The following PPIF variants were observed in gnomAD, a reference collection of about 807,000 sequenced individuals.
PPIF encodes peptidylprolyl isomerase F.
In PPIF, 23 loss-of-function variants were observed where a neutral mutation model predicts 20.2. The ratio of observed to expected loss-of-function variants is 1.14; its 90% CI spans 0.82 to 1.61. The LOEUF (loss-of-function observed/expected upper bound fraction) is 1.61. PPIF is among the 40% of genes most tolerant of loss of function. The pLI, the probability that PPIF is intolerant of heterozygous loss-of-function variation, is 0.00. For synonymous variants in PPIF, 113 were observed against 123.1 expected (o/e 0.92, Z 0.54); for missense variants, 287 against 291.6 (o/e 0.98, Z 0.11).
chr10:79,355,171 C>G lies in PPIF; in HGVS notation c.*1329C>G, dbSNP rs1463337896. 2.0e-5 allele frequency: 3 copies of G among 152,090 alleles called. No homozygotes were observed. Among genetic ancestry groups the G allele is most frequent in the African/African-American group, 7.2e-5 (3 of 41,400 alleles). 9.4% of individuals were successfully genotyped at this position (152,090 alleles called of 1,614,324 possible). On this transcript the variant is annotated 3_prime_UTR_variant, in exon 6 of 6. Transcript: ENST00000225174. Reference sequence around the variant, plus strand: ...AATTGTGTGGCACCTCCCCCTGCCCCCTTCTTGCTCCTGCTTTCACCATGT... The same window carrying G: ...AATTGTGTGGCACCTCCCCCTGCCCGCTTCTTGCTCCTGCTTTCACCATGT...
chr10:79,349,456 C>T (rs1208654336), intron 2 of PPIF, among the ~76,000 whole-genome samples: 2 of 152,262 alleles, frequency 1.3e-5, no homozygotes, highest in Non-Finnish European at 2.9e-5. Flanking sequence ...AGCCTGTACT[C>T]TTGTCACAGT....
Position 79,347,661 on chromosome 10 carries a change from C to A in PPIF, c.113C>A (p.Ser38Tyr). 1.4e-6 allele frequency: 2 copies of A among 1,472,054 alleles called. No individual in the cohort carries two copies. The highest frequency in any genetic ancestry group is 1.8e-6 in the Non-Finnish European group (2 of 1,108,098). The allele number at this position is 1,472,054 out of a possible 1,614,324, so 91.2% of individuals were successfully genotyped here. A position where few individuals can be genotyped will look rare whatever the true frequency, so the allele number is the denominator to read the frequency against. ...TGCAGCAAGGGCTCCGGCGACCCGT[C>A]CTCTTCCTCCTCCTCCGGGAACCCG... is the stretch of plus-strand genomic sequence containing the variant. ...RACSKGSGDP[S>Y]SSSSSGNPLV... The change falls in exon 1 of 6, where the codon TCC becomes TAC. Residue 38 changes from serine (S) to tyrosine (Y), a missense_variant. Transcript: ENST00000225174.
chr10:79,349,605 G>A lies in PPIF; in HGVS notation c.227-60G>A, dbSNP rs535088182. On this transcript the variant is annotated intron_variant, in intron 2 of 5. Transcript: ENST00000225174. ...ATGTAGCAGGGATTTTGGCTGGAAC[G>A]GGTATGACCCTGGAATTGGGGCCTG... 1.1e-4 allele frequency: 176 copies of A among 1,606,302 alleles called. 1 individual carries two copies. In the South Asian group the frequency reaches 1.4e-3, roughly 13 times the overall value.
At position 79,348,151 on chromosome 10, in the gene PPIF, A is replaced by G. The variant is rs930537108; in HGVS notation, c.195+408A>G. ...GTGCTCACGTGGCGGCCCTTGCACA[A>G]CACGGAGCGCTTCCTGGCTCCGGCC... On this transcript the variant is annotated intron_variant, in intron 1 of 5. Transcript: ENST00000225174. 1.3e-4 allele frequency among the ~76,000 whole-genome samples: 20 copies of G among 150,854 alleles called. 1 individual carries two copies. Among genetic ancestry groups the G allele is most frequent in the African/African-American group, 4.6e-4 (19 of 41,008 alleles).
rs1855984291 is a variant in PPIF at position 79,351,598 on chromosome 10, C to T, written c.412+15C>T. Reference sequence around the variant, plus strand: ...CGTGGGGCCAGGTGAGTGGGGGCCTCCTCTAGGGTGAGTGTCCCCACAGCT... The same window carrying T: ...CGTGGGGCCAGGTGAGTGGGGGCCTTCTCTAGGGTGAGTGTCCCCACAGCT... On this transcript the variant is annotated intron_variant, in intron 4 of 5. Coordinates refer to ENST00000225174, the MANE Select transcript of PPIF (RefSeq NM_005729.4). 2 of 1,609,332 alleles carry T rather than the reference C, an allele frequency of 1.2e-6. No homozygotes were observed. Among genetic ancestry groups the T allele is most frequent in the African/African-American group, 1.3e-5 (1 of 74,796 alleles).
intron 5 of PPIF, among the ~76,000 whole-genome samples, chr10:79,353,253 CATT>C (rs1856005320): frequency 6.6e-6 from 1 of 152,258 alleles, no homozygotes; most frequent in African/African-American, 2.4e-5. Context: ...CCGCCTTTTA[CATT>C]ATTGGACTCT....
At chr10:79,353,210 G>T (rs1310052896) in intron 5 of PPIF, among the ~76,000 whole-genome samples, 1 of 152,228 alleles carries the variant, frequency 6.6e-6, no homozygotes, top group Non-Finnish European at 1.5e-5. Context: ...CTCTTGGCTG[G>T]AACCACGCCA....
chr10:79,348,823 C>G (rs965917856), intron 1 of PPIF, among the ~76,000 whole-genome samples: 1 of 152,166 alleles, frequency 6.6e-6, no homozygotes, highest in African/African-American at 2.4e-5. Flanking sequence ...AGAAGTAGGC[C>G]AAGATAGCAT....
At position 79,349,765 on chromosome 10, in the gene PPIF, TC is replaced by T; in HGVS notation, c.315+14del. ...CCTTCATGTGCCAGGTAATGTAGTT[TC>T]CTCTTCTGTAAGGGGGGATGAGAGC... On this transcript the variant is annotated intron_variant, in intron 3 of 5. Transcript: ENST00000225174. 1 of 1,613,836 alleles carries T rather than the reference TC, an allele frequency of 6.2e-7. No individual in the cohort carries two copies. Among genetic ancestry groups the T allele is most frequent in the Non-Finnish European group, 8.5e-7 (1 of 1,179,996 alleles).
intron 2 of PPIF, among the ~76,000 whole-genome samples, 200 bp from the exon 3 acceptor site, chr10:79,349,464 AG>A (rs1032430577): frequency 2.6e-5 from 4 of 152,214 alleles, no homozygotes; most frequent in Non-Finnish European, 5.9e-5. Context: ...CTCTTGTCAC[AG>A]TGCTCAGGTA....
chr10:79,347,480 T>G lies in PPIF; in HGVS notation c.-69T>G. The G allele has an allele frequency of 8.0e-7, 1 of 1,251,610 alleles. No individual in the cohort carries two copies. The highest frequency in any genetic ancestry group is 1.0e-6 in the Non-Finnish European group (1 of 998,730). The allele number at this position is 1,251,610 out of a possible 1,614,324, so 77.5% of individuals were successfully genotyped here. A position where few individuals can be genotyped will look rare whatever the true frequency, so the allele number is the denominator to read the frequency against. ...CGCGGCTGCGCGGGACTCGGCCTTCTGGGCGCGCGCGACGTCAGTTTGAGT... is the reference window on the plus strand; with the variant it reads ...CGCGGCTGCGCGGGACTCGGCCTTCGGGGCGCGCGCGACGTCAGTTTGAGT... On this transcript the variant is annotated 5_prime_UTR_variant, in exon 1 of 6. Transcript: ENST00000225174.
intron 4 of PPIF, 91 bp downstream of exon 4, chr10:79,351,674 C>T: frequency 8.5e-7 from 1 of 1,178,622 alleles, no homozygotes; most frequent in Non-Finnish European, 1.2e-6. Flanking sequence ...CATGCAGTCA[C>T]CGTCCAGTAT....
chr10:79,354,642 G>A lies in PPIF; in HGVS notation c.*800G>A, dbSNP rs74142395. 9,564 of 152,834 alleles carry A rather than the reference G, an allele frequency of 0.063. 846 individuals carry two copies. Among genetic ancestry groups the A allele is most frequent in the African/African-American group, 0.2 (8,252 of 41,504 alleles). The allele number at this position is 152,834 out of a possible 1,614,324, so 9.5% of individuals were successfully genotyped here. On this transcript the variant is annotated 3_prime_UTR_variant, in exon 6 of 6. Coordinates refer to ENST00000225174, the MANE Select transcript of PPIF (RefSeq NM_005729.4). Reference sequence around the variant, plus strand: ...AAGAAATTCAATCTACTCATGATGTGTTATGCATAAAACATTTCTGGAACA... The same window carrying A: ...AAGAAATTCAATCTACTCATGATGTATTATGCATAAAACATTTCTGGAACA...
At chr10:79,352,273 G>T in intron 4 of PPIF, 44 bp from the exon 5 acceptor site, 6 of 1,569,676 alleles carry the variant, frequency 3.8e-6, no homozygotes, top group Non-Finnish European at 5.3e-6. Context: ...TCCCAGGCAG[G>T]TGCCTCCAGG....
At chr10:79,349,196 G>C in intron 2 of PPIF, 90 bp downstream of exon 2, 1 of 1,610,288 alleles carries the variant, frequency 6.2e-7, no homozygotes, top group Non-Finnish European at 8.5e-7. Flanking sequence ...AAGAGTCGGG[G>C]CTCAGAGACC....
chr10:79,351,888 T>C lies in PPIF; in HGVS notation c.412+305T>C, dbSNP rs552775751. On this transcript the variant is annotated intron_variant, in intron 4 of 5. Transcript: ENST00000225174. Reference sequence around the variant, plus strand: ...TTTCGGGTTGGAAATTCTAGGACACTTAGAATTGTTGCAGAATGGTCCTTA... The same window carrying C: ...TTTCGGGTTGGAAATTCTAGGACACCTAGAATTGTTGCAGAATGGTCCTTA... 2.0e-4 allele frequency among the ~76,000 whole-genome samples: 31 copies of C among 152,344 alleles called. No homozygotes were observed. The East Asian group carries it at 2.3e-3, about 11-fold the overall frequency.
At chr10:79,350,251 C>T (rs1855963698) in intron 3 of PPIF, among the ~76,000 whole-genome samples, 1 of 152,062 alleles carries the variant, frequency 6.6e-6, no homozygotes, top group Non-Finnish European at 1.5e-5. Flanking sequence ...GTTTTTCGGT[C>T]ATGTGTCATG....
Position 79,347,689 on chromosome 10 carries a change from C to G in PPIF, c.141C>G (p.Leu47=). ...CTTCCTCCTCCTCCGGGAACCCGCT[C>G]GTGTACCTGGACGTGGACGCCAACG... ...PSSSSSSGNP[L]VYLDVDANGK... is the part of the protein sequence containing the mutation. The change falls in exon 1 of 6, where the codon CTC becomes CTG. Residue 47 remains leucine, a synonymous_variant. Transcript: ENST00000225174. The G allele has an allele frequency of 1.3e-6, 2 of 1,483,606 alleles. No individual in the cohort carries two copies. The highest frequency in any genetic ancestry group is 1.8e-6 in the Non-Finnish European group (2 of 1,113,552). 91.9% of individuals were successfully genotyped at this position (1,483,606 alleles called of 1,614,324 possible).
At chr10:79,348,666 C>T (rs1461107328) in intron 1 of PPIF, among the ~76,000 whole-genome samples, 1 of 152,148 alleles carries the variant, frequency 6.6e-6, no homozygotes, top group Non-Finnish European at 1.5e-5. Flanking sequence ...AGCCTTCCCT[C>T]CCCACACCCT....
Sources: gnomAD v4.1 joint callset for allele counts (sites outside exome capture counted in the v4.1 genomes callset) on GRCh38, gnomAD v4.1.1 for gene constraint, MANE v1.5 for transcripts, NCBI Gene and HGNC (gene_info 2026-07-23, HGNC 2026-07-21) for gene names.